The following NEMP2 variants were observed in gnomAD, a reference collection of about 807,000 sequenced individuals.
The protein encoded by NEMP2 is UPF0571 transmembrane protein.
In NEMP2, 53 loss-of-function variants were observed where a neutral mutation model predicts 54.2. The ratio of observed to expected loss-of-function variants is 0.98; its 90% CI spans 0.78 to 1.23. The LOEUF (loss-of-function observed/expected upper bound fraction) is 1.23. Among genes scored for constraint, NEMP2 ranks in the 50% most tolerant of loss-of-function variants. NEMP2 has a pLI of 0.00. For synonymous variants in NEMP2, 197 were observed against 190.3 expected, an observed-to-expected ratio of 1.04 and a Z score of -0.29; for missense variants, 455 against 511.3, an observed-to-expected ratio of 0.89 and a Z score of 1.06.
chr2:190,613,090 C>T, the NEMP2 span, among the ~76,000 whole-genome samples: 1 of 152,084 alleles, frequency 6.6e-6, no homozygotes, highest in Admixed American at 6.6e-5. Flanking sequence ...ATCACCAATG[C>T]AAAATTATAA....
the NEMP2 span, among the ~76,000 whole-genome samples, chr2:190,541,376 C>A: frequency 1.3e-5 from 2 of 152,040 alleles, no homozygotes; most frequent in Non-Finnish European, 2.9e-5. This position sits in a 1 kb window ranked among gnomAD's most constrained non-coding sequence, Gnocchi z 5.2. Flanking sequence ...TTGCTATAAA[C>A]TTTCCTCTTA....
chr2:190,638,748 C>A, the NEMP2 span, among the ~76,000 whole-genome samples: 1 of 152,104 alleles, frequency 6.6e-6, no homozygotes, highest in Non-Finnish European at 1.5e-5. The surrounding 1 kb of genome is among the most constrained non-coding windows in gnomAD (Gnocchi z 5.7). Flanking sequence ...GTCTGGAGCC[C>A]ACACTTGGGA....
the NEMP2 span, among the ~76,000 whole-genome samples, chr2:190,443,235 C>T: frequency 6.6e-6 from 1 of 152,098 alleles, no homozygotes; most frequent in Non-Finnish European, 1.5e-5. The surrounding 1 kb of genome is among the most constrained non-coding windows in gnomAD (Gnocchi z 4.2). Context: ...ATGGTGGTTA[C>T]GAGCAGAGGC....
upstream of NEMP2, chr2:190,534,782 G>C (rs1574325343): frequency 1.5e-6 from 1 of 653,050 alleles, no homozygotes; most frequent in Non-Finnish European, 2.2e-6. Flanking sequence ...GAAAGGCGGA[G>C]ACCCCGCCTC....
chr2:190,611,625 CA>C, the NEMP2 span, among the ~76,000 whole-genome samples: 2 of 152,220 alleles, frequency 1.3e-5, no homozygotes, highest in Non-Finnish European at 2.9e-5. This position sits in a 1 kb window ranked among gnomAD's most constrained non-coding sequence, Gnocchi z 5.4. Context: ...CAACCTTCCA[CA>C]ACTTGTTTAA....
At chr2:190,480,649 T>C in the NEMP2 span, among the ~76,000 whole-genome samples, 3 of 152,336 alleles carry the variant, frequency 2.0e-5, no homozygotes, top group East Asian at 5.8e-4. Flanking sequence ...CATAAAGTGC[T>C]AAGGCTTGAA....
At position 190,523,562 on chromosome 2, in the gene NEMP2, T is replaced by C. The variant is rs1010212522; in HGVS notation, c.213+1701A>G. Reference sequence around the variant, plus strand: ...TGTGTATGTGTTTGTACACACATGATGATATGCTAGTAGCAATGAACACAC... The same window carrying C: ...TGTGTATGTGTTTGTACACACATGACGATATGCTAGTAGCAATGAACACAC... On this transcript the variant is annotated intron_variant, in intron 2 of 8. Transcript: ENST00000409150. The surrounding 1 kb of genome is among the most constrained non-coding windows in gnomAD (Gnocchi z 5.3). 2.6e-5 allele frequency among the ~76,000 whole-genome samples: 4 copies of C among 152,144 alleles called. No individual in the cohort carries two copies. Among genetic ancestry groups the C allele is most frequent in the African/African-American group, 7.2e-5 (3 of 41,398 alleles).
the NEMP2 span, among the ~76,000 whole-genome samples, chr2:190,591,538 A>G: frequency 5.3e-5 from 8 of 152,162 alleles, no homozygotes; most frequent in Admixed American, 1.3e-4. This position sits in a 1 kb window ranked among gnomAD's most constrained non-coding sequence, Gnocchi z 5.4. Flanking sequence ...ACTCAGGTAA[A>G]GTAAAAGAGC....
the NEMP2 span, among the ~76,000 whole-genome samples, chr2:190,647,590 A>C: frequency 6.6e-6 from 1 of 152,238 alleles, no homozygotes; most frequent in East Asian, 1.9e-4. Context: ...CTAATCTTCA[A>C]GAACACAATG....
chr2:190,504,604 GTT>G lies in NEMP2; in HGVS notation c.*4583_*4584del, dbSNP rs1249134279. On this transcript the variant is annotated 3_prime_UTR_variant, in exon 9 of 9. Transcript: ENST00000409150. This position sits in a 1 kb window ranked among gnomAD's most constrained non-coding sequence, Gnocchi z 5.6. ...AAAAGTCTGCTGAGAGAGGTTATAA[GTT>G]TCATAATTTTCATTTTTCTTTTTCT... The G allele has an allele frequency of 6.6e-6, 1 of 152,060 alleles. No individual in the cohort carries two copies. The highest frequency in any genetic ancestry group is 2.4e-5 in the African/African-American group (1 of 41,416). 9.4% of individuals were successfully genotyped at this position (152,060 alleles called of 1,614,324 possible).
intron 1 of NEMP2, among the ~76,000 whole-genome samples, chr2:190,526,388 G>C (rs1016512491): frequency 8.7e-6 from 1 of 115,350 alleles, no homozygotes; most frequent in African/African-American, 3.3e-5. Context: ...GAGAAGGGCT[G>C]AGAATAGATC....
chr2:190,583,924 A>G, the NEMP2 span, among the ~76,000 whole-genome samples: 1 of 152,180 alleles, frequency 6.6e-6, no homozygotes, highest in South Asian at 2.1e-4. Flanking sequence ...GGAGTTATGG[A>G]TATCTTTGGC....
At chr2:190,548,570 T>C in the NEMP2 span, among the ~76,000 whole-genome samples, 1 of 152,262 alleles carries the variant, frequency 6.6e-6, no homozygotes, top group African/African-American at 2.4e-5. Context: ...TACTTTTTGC[T>C]GTATATAGTA....
At chr2:190,597,263 CAAA>C in the NEMP2 span, among the ~76,000 whole-genome samples, 1 of 114,238 alleles carries the variant, frequency 8.8e-6, no homozygotes, top group Non-Finnish European at 1.9e-5. This position sits in a 1 kb window ranked among gnomAD's most constrained non-coding sequence, Gnocchi z 4.7. Context: ...ACTCTGTCTC[CAAA>C]AAAAAAAAAA....
At chr2:190,432,498 C>T in the NEMP2 span, among the ~76,000 whole-genome samples, 1 of 152,176 alleles carries the variant, frequency 6.6e-6, no homozygotes, top group Admixed American at 6.5e-5. Flanking sequence ...CTCTCTGCAA[C>T]CTCCGGCTCC....
the NEMP2 span, among the ~76,000 whole-genome samples, chr2:190,450,712 T>TA: frequency 6.6e-6 from 1 of 152,042 alleles, no homozygotes; most frequent in Non-Finnish European, 1.5e-5. Context: ...AGGCTAGTCT[T>TA]AAACTCCTAA....
downstream of NEMP2, chr2:190,500,309 G>C (rs1689966443): frequency 2.2e-6 from 3 of 1,367,678 alleles, no homozygotes. The surrounding 1 kb of genome is among the most constrained non-coding windows in gnomAD (Gnocchi z 5.3). Flanking sequence ...TGCCTCCCCT[G>C]GAGGAGCACA....
Position 190,505,974 on chromosome 2 carries a change from C to G in NEMP2, c.*3215G>C, listed in dbSNP as rs945326681. 1 of 152,174 alleles carries G rather than the reference C, an allele frequency of 6.6e-6. No homozygotes were observed. Among genetic ancestry groups the G allele is most frequent in the Admixed American group, 6.5e-5 (1 of 15,278 alleles). 9.4% of individuals were successfully genotyped at this position (152,174 alleles called of 1,614,324 possible). A position where few individuals can be genotyped will look rare whatever the true frequency, so the allele number is the denominator to read the frequency against. The stretch of plus-strand genomic sequence containing the variant: ...CTCCCTTTGTTTTGTTTCAGTTCAC[C>G]AAGTAGCCACCTTATTATAATTTGA... On this transcript the variant is annotated 3_prime_UTR_variant, in exon 9 of 9. Coordinates refer to ENST00000409150, the MANE Select transcript of NEMP2 (RefSeq NM_001142645.2). The surrounding 1 kb of genome is among the most constrained non-coding windows in gnomAD (Gnocchi z 5.8).
At chr2:190,497,359 G>GGTTT in the NEMP2 span, 1 of 1,488,340 alleles carries the variant, frequency 6.7e-7, no homozygotes, top group Non-Finnish European at 9.1e-7. This position sits in a 1 kb window ranked among gnomAD's most constrained non-coding sequence, Gnocchi z 5.2. Flanking sequence ...TGGGATTCTT[G>GGTTT]GTTTATTTAT....
Sources: gnomAD v4.1 joint callset for allele counts (sites outside exome capture counted in the v4.1 genomes callset) on GRCh38, gnomAD v4.1.1 for gene constraint, Gnocchi (gnomAD v3.1) non-coding constraint, MANE v1.5 for transcripts, NCBI Gene and HGNC (gene_info 2026-07-23, HGNC 2026-07-21) for gene names.